The following TECTA variants were observed in gnomAD, a reference collection of about 807,000 sequenced individuals.
The protein encoded by TECTA is alpha-tectorin.
In TECTA, 128 loss-of-function variants were observed where a neutral mutation model predicts 216.8. That is an observed-to-expected ratio of 0.59 (90% CI 0.51 to 0.68). The LOEUF is 0.68. TECTA is among the 30% of genes least tolerant of loss of function. The pLI is 0.00. For missense variants in TECTA, 2,551 were observed against 2,786.2 expected (o/e 0.92, Z 1.90); for synonymous variants, 1,089 against 1,117.1 (o/e 0.97, Z 0.50).
chr11:121,119,014 C>T (rs780641486), intron 7 of TECTA, among the ~76,000 whole-genome samples: 27 of 100,470 alleles, frequency 2.7e-4, no homozygotes, highest in African/African-American at 5.3e-4. Context: ...CACACACACA[C>T]ACACACACAC....
intron 20 of TECTA, among the ~76,000 whole-genome samples, chr11:121,178,978 T>C (rs1260957770): frequency 1.3e-5 from 2 of 152,184 alleles, no homozygotes; most frequent in South Asian, 2.1e-4. Context: ...TTTCTCTCTT[T>C]TTTCCCCTTA....
chr11:121,146,031 C>T lies in TECTA; in HGVS notation c.4020C>T (p.Thr1340=), dbSNP rs147318195. 97 of 1,613,824 alleles carry T rather than the reference C, an allele frequency of 6.0e-5. No homozygotes were observed. Among genetic ancestry groups the T allele is most frequent in the Middle Eastern group, 1.6e-4 (1 of 6,084 alleles). ...DSCIDGGAVQ[T]ACSWLQNYAS... is the part of the protein sequence containing the mutation. The stretch of plus-strand genomic sequence containing the variant: ...GCATCGATGGGGGCGCGGTGCAGAC[C>T]GCCTGCAGCTGGCTGCAGAACTACG... Residue 1340 remains threonine, a synonymous_variant, in exon 12 of 24, where the codon ACC becomes ACT. Transcript: ENST00000392793.
Position 121,166,716 on chromosome 11 carries a change from AG to A in TECTA, c.5527del (p.Glu1843LysfsTer70), listed in dbSNP as rs1249185133. 1 of 1,614,192 alleles carries A rather than the reference AG, an allele frequency of 6.2e-7. No homozygotes were observed. The highest frequency in any genetic ancestry group is 1.1e-5 in the South Asian group (1 of 91,088). On this transcript the variant is annotated frameshift_variant, in exon 18 of 24. Coordinates refer to ENST00000392793, the MANE Select transcript of TECTA (RefSeq NM_005422.4). LOFTEE classifies it high-confidence loss of function. ...AATGACAGACAGTGCACCGGCATCG[AG>A]GGGGAAGATTTTATCTCCTTTCAGA... ...RINDRQCTGI[E>X]GEDFISFQIN...
chr11:121,160,522 T>C, intron 15 of TECTA, 101 bp downstream of exon 15: 1 of 1,504,980 alleles, frequency 6.6e-7, no homozygotes, highest in Admixed American at 1.7e-5. Flanking sequence ...GCACTGCCCC[T>C]GCTCTCCTAC....
intron 9 of TECTA, 111 bp downstream of exon 9, chr11:121,128,455 A>G: frequency 9.9e-7 from 1 of 1,006,570 alleles, no homozygotes; most frequent in Non-Finnish European, 1.4e-6. Flanking sequence ...TGGATTTTAG[A>G]AAGAAGATGG....
At position 121,161,945 on chromosome 11, in the gene TECTA, A is replaced by G. The variant is rs894358701; in HGVS notation, c.4977-130A>G. Reference sequence around the variant, plus strand: ...AGAGACTAGCAGTATCTTACTTGCCAAAGGTCACAAAGCTAGTGTTGGAAT... The same window carrying G: ...AGAGACTAGCAGTATCTTACTTGCCGAAGGTCACAAAGCTAGTGTTGGAAT... On this transcript the variant is annotated intron_variant, in intron 15 of 23. Transcript: ENST00000392793. The G allele has an allele frequency of 3.5e-6, 4 of 1,159,322 alleles. No homozygotes were observed. The African/African-American group carries it at 4.5e-5, about 13-fold the overall frequency. The allele number at this position is 1,159,322 out of a possible 1,614,324, so 71.8% of individuals were successfully genotyped here.
In TECTA at chr11:121,101,422, C is replaced by T. The variant is rs2135045199; in HGVS notation, c.-22C>T. 6.6e-6 allele frequency: 1 copy of T among 152,224 alleles called. No homozygotes were observed. Among genetic ancestry groups the T allele is most frequent in the East Asian group, 1.9e-4 (1 of 5,180 alleles). The allele number at this position is 152,224 out of a possible 1,614,324, so 9.4% of individuals were successfully genotyped here. A position where few individuals can be genotyped will look rare whatever the true frequency, so the allele number is the denominator to read the frequency against. On this transcript the variant is annotated 5_prime_UTR_variant, in exon 1 of 24. Coordinates refer to ENST00000392793, the MANE Select transcript of TECTA (RefSeq NM_005422.4). ...TTGGCTTAATATTTCTGACTCAGTT[C>T]CTCCAGCCTCTACAGAACAGGTTAG... is the stretch of plus-strand genomic sequence containing the variant.
intron 20 of TECTA, among the ~76,000 whole-genome samples, chr11:121,180,301 A>C (rs796867296): frequency 6.6e-6 from 1 of 152,306 alleles, no homozygotes; most frequent in African/African-American, 2.4e-5. Flanking sequence ...ATGTTCTTGT[A>C]GGGCTGGCCT....
chr11:121,178,975 C>CT (rs1255568696), intron 20 of TECTA, among the ~76,000 whole-genome samples: 4 of 152,024 alleles, frequency 2.6e-5, no homozygotes, highest in Admixed American at 1.3e-4. Context: ...GGTTTTCTCT[C>CT]TTTTTTCCCC....
intron 12 of TECTA, among the ~76,000 whole-genome samples, chr11:121,151,630 C>T (rs61901199): frequency 3.3e-5 from 5 of 152,232 alleles, no homozygotes; most frequent in Non-Finnish European, 5.9e-5. Flanking sequence ...CATTTCATCA[C>T]GCTTTTTCTT....
At chr11:121,130,263 C>T (rs1484686066) in intron 10 of TECTA, 52 bp downstream of exon 10, 9 of 1,583,174 alleles carry the variant, frequency 5.7e-6, no homozygotes, top group African/African-American at 2.7e-5. Context: ...AAATAGGTGC[C>T]ATGCTGGGCC....
At chr11:121,109,745 A>G in intron 4 of TECTA, 1 of 513,586 alleles carries the variant, frequency 1.9e-6, no homozygotes, top group South Asian at 2.1e-5. Context: ...GCCTAAAAAA[A>G]AACCCTCAAA....
chr11:121,138,887 G>T (rs1049961088), intron 11 of TECTA, among the ~76,000 whole-genome samples: 16 of 152,128 alleles, frequency 1.1e-4, no homozygotes, highest in Non-Finnish European at 7.3e-5. Context: ...ATTATCACAG[G>T]TCTGTGTCAT....
intron 13 of TECTA, among the ~76,000 whole-genome samples, chr11:121,155,038 G>A (rs1396650145): frequency 6.6e-6 from 1 of 152,164 alleles, no homozygotes; most frequent in Non-Finnish European, 1.5e-5. Context: ...GCTTACATCC[G>A]GGAAGCAGCA....
At chr11:121,178,412 C>T (rs939571483) in intron 20 of TECTA, among the ~76,000 whole-genome samples, 4 of 152,012 alleles carry the variant, frequency 2.6e-5, no homozygotes, top group Non-Finnish European at 4.4e-5. Flanking sequence ...TGGAATAAAT[C>T]CTGCTTGATC....
chr11:121,160,904 A>C (rs1946992235), intron 15 of TECTA, among the ~76,000 whole-genome samples: 1 of 152,182 alleles, frequency 6.6e-6, no homozygotes, highest in Admixed American at 6.5e-5. Flanking sequence ...TAAAAACAGA[A>C]GTTACAAGGT....
chr11:121,115,883 CTGGT>C (rs1224779146), intron 6 of TECTA, among the ~76,000 whole-genome samples: 1 of 152,176 alleles, frequency 6.6e-6, no homozygotes, highest in Admixed American at 6.5e-5. Context: ...TCTCAAACTC[CTGGT>C]CTCAAGCCAT....
intron 14 of TECTA, 82 bp from the exon 15 acceptor site, chr11:121,160,053 A>T: frequency 6.3e-7 from 1 of 1,581,990 alleles, no homozygotes; most frequent in Non-Finnish European, 8.7e-7. Context: ...GACACCCAAA[A>T]TATTTTCCCT....
chr11:121,160,189 T>C lies in TECTA; in HGVS notation c.4744T>C (p.Tyr1582His), dbSNP rs768296905. ...TATAACTGGTTTGGCAACCAAAATC[T>C]ACAGCAGTGAGGGGTTTCTGGTGAT... ...PFITGLATKI[Y>H]SSEGFLVIDT... The change falls in exon 15 of 24, where the codon TAC (tyrosine) becomes CAC (histidine). Residue 1582 changes from tyrosine to histidine, a missense_variant. Physicochemically the swap from Tyr to His is moderately conservative, Grantham distance 83. This residue lies in a region of TECTA where 2,375 missense variants were observed against 2,563.9 expected (regional missense o/e 0.93). Transcript: ENST00000392793. The C allele has an allele frequency of 6.8e-6, 11 of 1,614,106 alleles. No individual in the cohort carries two copies. The highest frequency in any genetic ancestry group is 9.3e-6 in the Non-Finnish European group (11 of 1,180,056).
Sources: gnomAD v4.1 joint callset for allele counts (sites outside exome capture counted in the v4.1 genomes callset) on GRCh38, gnomAD v4.1.1 for gene constraint, gnomAD v4.1.1 regional missense constraint, MANE v1.5 for transcripts, NCBI Gene and HGNC (gene_info 2026-07-23, HGNC 2026-07-21) for gene names.